The following CADM2 variants were observed in gnomAD, a reference collection of about 807,000 sequenced individuals.
The protein encoded by CADM2 is cell adhesion molecule 2.
CADM2 carries 12 observed loss-of-function variants against 49.8 expected under a neutral mutation model. The observed-to-expected ratio is 0.24, with a 90% CI of 0.15 to 0.39. The LOEUF (loss-of-function observed/expected upper bound fraction) is 0.39, where lower values mean the gene tolerates loss of function less well. Ranked by LOEUF, CADM2 falls within the 10% of genes least tolerant of loss-of-function variation. The probability of loss-of-function intolerance (pLI) is 1.00; values close to 1 mark genes in which losing one functional copy is unlikely to be tolerated. For synonymous variants in CADM2, 214 were observed against 175.4 expected, an observed-to-expected ratio of 1.22 and a Z score of -1.74; for missense variants, 378 against 492.3, an observed-to-expected ratio of 0.77 and a Z score of 2.20.
intron 3 of CADM2, among the ~76,000 whole-genome samples, chr3:85,876,637 T>C (rs977119181): frequency 6.6e-6 from 1 of 152,150 alleles, no homozygotes; most frequent in Non-Finnish European, 1.5e-5. Context: ...TATTACTCAC[T>C]AGAAACCAAT....
chr3:85,879,715 C>T (rs1047249275), intron 3 of CADM2, among the ~76,000 whole-genome samples: 3 of 152,080 alleles, frequency 2.0e-5, no homozygotes, highest in Non-Finnish European at 1.5e-5. Context: ...TAATAGAGAG[C>T]TCTTGTGTAC....
intron 1 of CADM2, among the ~76,000 whole-genome samples, chr3:85,012,487 G>T: frequency 6.7e-6 from 1 of 148,434 alleles, no homozygotes; most frequent in African/African-American, 2.5e-5. Flanking sequence ...TTAAATATAT[G>T]TATATATTTA....
At chr3:85,516,470 G>GA (rs1425071959) in intron 1 of CADM2, among the ~76,000 whole-genome samples, 1 of 152,066 alleles carries the variant, frequency 6.6e-6, no homozygotes, top group Non-Finnish European at 1.5e-5. Flanking sequence ...TAGGTAGATA[G>GA]AAAAAATAGA....
intron 1 of CADM2, among the ~76,000 whole-genome samples, chr3:85,428,772 C>T (rs548014176): frequency 6.7e-6 from 1 of 150,310 alleles, no homozygotes; most frequent in African/African-American, 2.4e-5. Context: ...AAGGCATTTA[C>T]GTGTCAAGCT....
chr3:85,926,600 G>T (rs1445594197), intron 6 of CADM2, among the ~76,000 whole-genome samples: 1 of 152,026 alleles, frequency 6.6e-6, no homozygotes, highest in Non-Finnish European at 1.5e-5. Context: ...TCTTTCATCT[G>T]CAAGACACTT....
rs139293162 is a variant in CADM2, at chr3:85,908,454, C to G, written c.530-3919C>G. Among the ~76,000 whole-genome samples the G allele has an allele frequency of 4.3e-3, 648 of 151,328 alleles. 5 individuals are homozygous for G. The highest frequency in any genetic ancestry group is 0.014 in the African/African-American group (598 of 41,320). On this transcript the variant is annotated intron_variant, in intron 5 of 9. Coordinates refer to ENST00000383699, the MANE Select transcript of CADM2 (RefSeq NM_001167675.2). ...TTTATAAAGATAAATAATATAAAAACTAATAGAAAGTCCTTTATCTTGAGA... is the reference window on the plus strand; with the variant it reads ...TTTATAAAGATAAATAATATAAAAAGTAATAGAAAGTCCTTTATCTTGAGA...
chr3:84,996,102 A>G (rs1209695771), intron 1 of CADM2, among the ~76,000 whole-genome samples: 1 of 152,140 alleles, frequency 6.6e-6, no homozygotes, highest in South Asian at 2.1e-4. Context: ...TGCTGCTGGG[A>G]TTGTTTAGTT....
chr3:85,279,201 C>A (rs12637719), intron 1 of CADM2, among the ~76,000 whole-genome samples: 1 of 151,406 alleles, frequency 6.6e-6, no homozygotes, highest in Non-Finnish European at 1.5e-5. Flanking sequence ...TGTAGCTAAT[C>A]ACTTCAATAA....
chr3:85,000,283 A>ATT lies in CADM2; in HGVS notation c.61+40624_61+40625dup, dbSNP rs534262032. On this transcript the variant is annotated intron_variant, in intron 1 of 9. Transcript: ENST00000383699. ...TGTGCATCACCACGCCCAGCTAATTATTTTTTTTTTGCCTTTTTATTTTTT... is the reference window on the plus strand; with the variant it reads ...TGTGCATCACCACGCCCAGCTAATTATTTTTTTTTTTTGCCTTTTTATTTTTT... Among the ~76,000 whole-genome samples the ATT allele has an allele frequency of 6.1e-3, 906 of 147,642 alleles. 15 individuals carry two copies. Among genetic ancestry groups the ATT allele is most frequent in the African/African-American group, 0.021 (866 of 40,416 alleles).
intron 1 of CADM2, among the ~76,000 whole-genome samples, chr3:85,687,764 C>A (rs1449968688): frequency 6.6e-6 from 1 of 152,120 alleles, no homozygotes; most frequent in African/African-American, 2.4e-5. Context: ...ACAAAACTAT[C>A]CAGAGATAGT....
intron 1 of CADM2, among the ~76,000 whole-genome samples, chr3:85,461,856 G>C (rs1018906292): frequency 6.6e-6 from 1 of 152,046 alleles, no homozygotes; most frequent in South Asian, 2.1e-4. Flanking sequence ...TGAAAACTTA[G>C]ATTCAGATAA....
At chr3:85,196,683 T>G (rs2041352321) in intron 1 of CADM2, among the ~76,000 whole-genome samples, 1 of 152,028 alleles carries the variant, frequency 6.6e-6, no homozygotes, top group South Asian at 2.1e-4. Context: ...AAACTCATTG[T>G]GTGAAAACAA....
intron 1 of CADM2, among the ~76,000 whole-genome samples, chr3:85,446,665 C>A (rs2037470014): frequency 7.0e-6 from 1 of 142,920 alleles, no homozygotes; most frequent in Non-Finnish European, 1.5e-5. Context: ...TACAAGGGTG[C>A]TATCTCAGCT....
At chr3:85,424,756 A>AAATTTTAATTAAACATAG (rs2036324569) in intron 1 of CADM2, among the ~76,000 whole-genome samples, 1 of 152,192 alleles carries the variant, frequency 6.6e-6, no homozygotes, top group Admixed American at 6.5e-5. Context: ...ATTTCATATG[A>AAATTTTAATTAAACATAG]TTTCTAATGT....
chr3:85,149,676 G>A (rs569426454), intron 1 of CADM2, among the ~76,000 whole-genome samples: 6 of 152,272 alleles, frequency 3.9e-5, no homozygotes, highest in Admixed American at 2.6e-4. Flanking sequence ...GCAGTGAGCC[G>A]AGATCCTGCC....
At chr3:85,645,395 A>G (rs1440483571) in intron 1 of CADM2, among the ~76,000 whole-genome samples, 4 of 152,070 alleles carry the variant, frequency 2.6e-5, no homozygotes, top group Admixed American at 6.6e-5. Context: ...AATTTTCTAG[A>G]AAACATTTTA....
chr3:85,126,288 A>G (rs2039029899), intron 1 of CADM2, among the ~76,000 whole-genome samples: 1 of 152,128 alleles, frequency 6.6e-6, no homozygotes, highest in Non-Finnish European at 1.5e-5. Context: ...ACTATGTGTG[A>G]GGCTCTGTTC....
intron 3 of CADM2, among the ~76,000 whole-genome samples, chr3:85,877,791 T>C (rs1453810526): frequency 6.6e-6 from 1 of 151,594 alleles, no homozygotes; most frequent in African/African-American, 2.4e-5. Flanking sequence ...CACTCTGTTC[T>C]TATCACATAT....
intron 1 of CADM2, among the ~76,000 whole-genome samples, chr3:85,425,776 G>T (rs2036373355): frequency 6.6e-6 from 1 of 152,164 alleles, no homozygotes; most frequent in Non-Finnish European, 1.5e-5. Context: ...GAGAGATAAA[G>T]GTGGGACACC....
Sources: allele counts gnomAD v4.1 joint callset (sites outside exome capture counted in the v4.1 genomes callset), GRCh38; gene constraint gnomAD v4.1.1; transcripts MANE v1.5; gene names NCBI Gene and HGNC (gene_info 2026-07-23, HGNC 2026-07-21).